VTI1A: variants seen among roughly 807,000 people sequenced by gnomAD.
The protein encoded by VTI1A is vesicle transport through interaction with t-SNAREs 1A.
A neutral mutation model predicts 34.9 loss-of-function variants in VTI1A; 22 were observed. The observed-to-expected ratio is 0.63, with a 90% CI of 0.45 to 0.90. The LOEUF (loss-of-function observed/expected upper bound fraction) is 0.90. Among genes scored for constraint, VTI1A ranks in the 40% least tolerant of loss-of-function variants. VTI1A has a pLI of 0.00. For missense variants in VTI1A, 268 were observed against 275.6 expected (o/e 0.97, Z 0.20); for synonymous variants, 87 against 97.3 (o/e 0.89, Z 0.62).
At chr10:112,691,043 G>A (rs542190191) in intron 7 of VTI1A, among the ~76,000 whole-genome samples, 11 of 152,022 alleles carry the variant, frequency 7.2e-5, no homozygotes, top group South Asian at 4.2e-4. Flanking sequence ...CAAGGCAGGC[G>A]GATCATTTGA....
chr10:112,622,332 T>C (rs1845765316), intron 5 of VTI1A, among the ~76,000 whole-genome samples: 1 of 152,148 alleles, frequency 6.6e-6, no homozygotes, highest in African/African-American at 2.4e-5. Flanking sequence ...TGTCGCTGGT[T>C]TTGAGCTTCC....
intron 7 of VTI1A, among the ~76,000 whole-genome samples, chr10:112,726,131 G>A (rs1850017045): frequency 6.6e-6 from 1 of 152,078 alleles, no homozygotes; most frequent in South Asian, 2.1e-4. Context: ...CTGTCCGTAG[G>A]CATCTGGTTC....
At chr10:112,562,916 T>C (rs1009342926) in intron 5 of VTI1A, among the ~76,000 whole-genome samples, 2 of 152,116 alleles carry the variant, frequency 1.3e-5, no homozygotes, top group Non-Finnish European at 1.5e-5. Flanking sequence ...GATGTCACCA[T>C]GTTCCCAATC....
At chr10:112,687,218 AC>A (rs1848445446) in intron 7 of VTI1A, among the ~76,000 whole-genome samples, 1 of 124,182 alleles carries the variant, frequency 8.1e-6, no homozygotes, top group African/African-American at 3.1e-5. Context: ...GCATACTACA[AC>A]TTTTTTTTTT....
downstream of VTI1A, among the ~76,000 whole-genome samples, chr10:112,821,306 C>T (rs181754023): frequency 5.6e-3 from 848 of 152,222 alleles, 3 homozygotes; most frequent in Middle Eastern, 0.024. Context: ...GGACCAGCAC[C>T]GCTCAGCACA....
intron 3 of VTI1A, among the ~76,000 whole-genome samples, chr10:112,484,793 T>A (rs1490069687): frequency 6.6e-6 from 1 of 151,402 alleles, no homozygotes; most frequent in African/African-American, 2.4e-5. Context: ...AGGAGAAACA[T>A]CTATAATAAA....
chr10:112,827,979 C>T, the VTI1A span, among the ~76,000 whole-genome samples: 2,486 of 152,270 alleles, frequency 0.016, 69 homozygotes, highest in African/African-American at 0.056. Context: ...TGGATCTGAG[C>T]TCTCATTCTC....
chr10:112,448,719 C>G (rs1847089876), intron 1 of VTI1A, among the ~76,000 whole-genome samples: 1 of 152,194 alleles, frequency 6.6e-6, no homozygotes, highest in Non-Finnish European at 1.5e-5. Flanking sequence ...TTGGTGGGCA[C>G]TTCACTTGCC....
At chr10:112,680,046 G>A (rs1418283566) in intron 7 of VTI1A, among the ~76,000 whole-genome samples, 1 of 152,120 alleles carries the variant, frequency 6.6e-6, no homozygotes, top group Non-Finnish European at 1.5e-5. Context: ...GAGAAAATGA[G>A]ATATTGTTAA....
At chr10:112,452,686 A>C (rs1305505733) in intron 1 of VTI1A, among the ~76,000 whole-genome samples, 2 of 135,446 alleles carry the variant, frequency 1.5e-5, no homozygotes, top group African/African-American at 2.9e-5. Flanking sequence ...TATGTTGTCT[A>C]TATATTGGTC....
chr10:112,723,355 C>A (rs1590116605), intron 7 of VTI1A, among the ~76,000 whole-genome samples: 1 of 152,184 alleles, frequency 6.6e-6, no homozygotes, highest in African/African-American at 2.4e-5. Context: ...CTTCTCAGCT[C>A]TAGAACTTCC....
chr10:112,678,113 G>A (rs1193826837), intron 7 of VTI1A, among the ~76,000 whole-genome samples: 2 of 152,162 alleles, frequency 1.3e-5, no homozygotes, highest in Admixed American at 6.6e-5. Flanking sequence ...TTCCCAATAA[G>A]AGAATATTTT....
At chr10:112,790,842 G>A (rs1852444885) in intron 7 of VTI1A, among the ~76,000 whole-genome samples, 1 of 148,908 alleles carries the variant, frequency 6.7e-6, no homozygotes, top group South Asian at 2.1e-4. Context: ...ATAGCTGGAA[G>A]TCCCCTGGTA....
chr10:112,486,478 T>G (rs944282918), intron 3 of VTI1A, among the ~76,000 whole-genome samples: 1 of 152,258 alleles, frequency 6.6e-6, no homozygotes, highest in Middle Eastern at 3.4e-3. Flanking sequence ...AGTGCCCTTA[T>G]GTGGTACATC....
At chr10:112,827,354 C>T in the VTI1A span, 1 of 152,052 alleles carries the variant, frequency 6.6e-6, no homozygotes, top group African/African-American at 2.4e-5. Context: ...CTTGGAGCCT[C>T]TCTCGGTGGG....
chr10:112,755,253 CAAAA>C (rs770061342), intron 7 of VTI1A, among the ~76,000 whole-genome samples: 3 of 136,128 alleles, frequency 2.2e-5, no homozygotes, highest in African/African-American at 7.7e-5. Context: ...GAGACTGTCT[CAAAA>C]AAAAAAGAAA....
chr10:112,703,860 A>T (rs1849100690), intron 7 of VTI1A, among the ~76,000 whole-genome samples: 1 of 152,238 alleles, frequency 6.6e-6, no homozygotes, highest in Non-Finnish European at 1.5e-5. Flanking sequence ...ATAGCTTGCC[A>T]AAATTAATAA....
intron 7 of VTI1A, among the ~76,000 whole-genome samples, chr10:112,739,376 C>A (rs961603391): frequency 1.3e-5 from 2 of 152,092 alleles, no homozygotes; most frequent in Non-Finnish European, 2.9e-5. Context: ...TAGACAGATA[C>A]TGTTGAATTT....
chr10:112,835,081 G>A, the VTI1A span, among the ~76,000 whole-genome samples: 1 of 152,082 alleles, frequency 6.6e-6, no homozygotes, highest in South Asian at 2.1e-4. Flanking sequence ...TTAGACACAG[G>A]GCCCGTGCGC....
Sources: allele counts gnomAD v4.1 joint callset (sites outside exome capture counted in the v4.1 genomes callset), GRCh38; gene constraint gnomAD v4.1.1; transcripts MANE v1.5; gene names NCBI Gene and HGNC (gene_info 2026-07-23, HGNC 2026-07-21).